Variants in SGCZ observed in about 807,000 individuals in gnomAD.
SGCZ encodes the protein sarcoglycan zeta, also known as zeta-sarcoglycan.
In SGCZ, 40 loss-of-function variants were observed where a neutral mutation model predicts 41.3. The observed-to-expected ratio is 0.97, with a 90% CI of 0.75 to 1.26. SGCZ has a LOEUF of 1.26. SGCZ is among the 50% of genes most tolerant of loss of function. The pLI, the probability that SGCZ is intolerant of heterozygous loss-of-function variation, is 0.00. For missense variants in SGCZ, 552 were observed against 369.8 expected (o/e 1.49, Z -4.04); for synonymous variants, 206 against 137.5 (o/e 1.50, Z -3.49).
chr8:14,820,600 C>A (rs932969846), intron 1 of SGCZ, among the ~76,000 whole-genome samples: 1 of 151,958 alleles, frequency 6.6e-6, no homozygotes, highest in African/African-American at 2.4e-5. Context: ...AGATCACAAA[C>A]GAGTGTTAAC....
intron 1 of SGCZ, among the ~76,000 whole-genome samples, chr8:14,723,759 C>G (rs1809965005): frequency 6.6e-6 from 1 of 151,690 alleles, no homozygotes; most frequent in Admixed American, 6.6e-5. Flanking sequence ...TGTTTATATA[C>G]ATTTATATGA....
chr8:14,892,416 G>C (rs1275223004), intron 1 of SGCZ, among the ~76,000 whole-genome samples: 1 of 152,154 alleles, frequency 6.6e-6, no homozygotes, highest in African/African-American at 2.4e-5. Flanking sequence ...ATCTCTGTGA[G>C]ATACGACTGT....
chr8:14,423,076 C>A (rs1305390385), intron 2 of SGCZ, among the ~76,000 whole-genome samples: 1 of 152,020 alleles, frequency 6.6e-6, no homozygotes, highest in East Asian at 1.9e-4. Context: ...TTGTTTTGAA[C>A]CCATGAGTGT....
chr8:14,650,544 T>C (rs1473922492), intron 1 of SGCZ, among the ~76,000 whole-genome samples: 1 of 151,952 alleles, frequency 6.6e-6, no homozygotes, highest in African/African-American at 2.4e-5. Context: ...GTCTGCTGTT[T>C]CCCTCTTTGT....
intron 2 of SGCZ, among the ~76,000 whole-genome samples, chr8:14,425,751 A>G (rs1381582202): frequency 2.0e-5 from 3 of 152,208 alleles, no homozygotes; most frequent in Non-Finnish European, 4.4e-5. Flanking sequence ...AGGTACATTT[A>G]CCATCTCTTC....
At chr8:14,879,422 T>C (rs1380009578) in intron 1 of SGCZ, 1 of 152,032 alleles carries the variant, frequency 6.6e-6, no homozygotes, top group Non-Finnish European at 1.5e-5. Context: ...CCATGAATAA[T>C]GGAAATCACT....
intron 1 of SGCZ, among the ~76,000 whole-genome samples, chr8:15,084,248 A>T (rs1401707664): frequency 2.6e-5 from 4 of 152,160 alleles, no homozygotes; most frequent in Non-Finnish European, 5.9e-5. Context: ...ACATCTTCTG[A>T]TAAGTATTTC....
chr8:14,696,502 G>A (rs1483761433), intron 1 of SGCZ, among the ~76,000 whole-genome samples: 1 of 152,046 alleles, frequency 6.6e-6, no homozygotes, highest in East Asian at 1.9e-4. Flanking sequence ...AAAGGATGCT[G>A]CTTTGCATTT....
chr8:15,237,257 C>CCG (rs1321181604), intron 1 of SGCZ, among the ~76,000 whole-genome samples: 1 of 152,006 alleles, frequency 6.6e-6, no homozygotes, highest in East Asian at 1.9e-4. Context: ...CCGCTGCCCC[C>CCG]CCCGGGGAGA....
At chr8:14,237,767 G>GA in intron 3 of SGCZ, 88 bp from the exon 4 acceptor site, 1 of 1,252,072 alleles carries the variant, frequency 8.0e-7, no homozygotes. Flanking sequence ...TGGATATTCT[G>GA]AAAAATTTAA....
At chr8:14,252,329 T>C (rs1379176794) in intron 3 of SGCZ, among the ~76,000 whole-genome samples, 2 of 152,122 alleles carry the variant, frequency 1.3e-5, no homozygotes, top group African/African-American at 4.8e-5. Context: ...TTGTCAGATA[T>C]ATTGTTTTTA....
intron 1 of SGCZ, among the ~76,000 whole-genome samples, chr8:15,166,188 T>G (rs1006271734): frequency 2.0e-5 from 3 of 152,076 alleles, no homozygotes; most frequent in African/African-American, 7.2e-5. Flanking sequence ...ACAGGATTAT[T>G]TGACATGTTC....
intron 1 of SGCZ, among the ~76,000 whole-genome samples, chr8:14,704,621 T>C (rs1408072297): frequency 6.6e-6 from 1 of 151,976 alleles, no homozygotes; most frequent in Non-Finnish European, 1.5e-5. Flanking sequence ...TCTCAAAGGC[T>C]CACTTTCTCC....
At position 14,485,832 on chromosome 8, in the gene SGCZ, A is replaced by ATTTTTT. The variant is rs1801655988; in HGVS notation, c.234+68899_234+68900insAAAAAA. On this transcript the variant is annotated intron_variant, in intron 2 of 7. Coordinates refer to ENST00000382080, the MANE Select transcript of SGCZ (RefSeq NM_139167.4). ...AACTACTTTATATTTTCTCTAGAAC[A>ATTTTTT]ATTTTTTTTTTTTTTTTTTTGAGAC... Among the ~76,000 whole-genome samples the ATTTTTT allele has an allele frequency of 4.4e-4, 22 of 50,540 alleles. 1 individual carries two copies. In the South Asian group the frequency reaches 0.019, roughly 43 times the overall value. 33.2% of individuals were successfully genotyped at this position (50,540 alleles called of 152,430 possible).
At chr8:14,759,008 C>CAAAAA (rs760673509) in intron 1 of SGCZ, among the ~76,000 whole-genome samples, 103 of 112,534 alleles carry the variant, frequency 9.2e-4, no homozygotes, top group African/African-American at 3.0e-3. Flanking sequence ...AACTCCATCT[C>CAAAAA]AAAAAAAAAA....
intron 1 of SGCZ, among the ~76,000 whole-genome samples, chr8:15,001,561 C>A (rs1264997241): frequency 1.3e-5 from 2 of 151,914 alleles, no homozygotes; most frequent in East Asian, 3.9e-4. Flanking sequence ...AACCCCATCT[C>A]TACTAAAAAT....
At chr8:14,139,455 T>C (rs1803300080) in intron 5 of SGCZ, among the ~76,000 whole-genome samples, 3 of 151,888 alleles carry the variant, frequency 2.0e-5, no homozygotes, top group South Asian at 2.1e-4. Context: ...GCAAGACTAA[T>C]AAAGAAGAAA....
chr8:14,854,979 T>G (rs1803491241), intron 1 of SGCZ, among the ~76,000 whole-genome samples: 1 of 151,216 alleles, frequency 6.6e-6, no homozygotes. Flanking sequence ...GCTCCCGACT[T>G]TATCTGGTAT....
At chr8:14,313,088 A>G (rs560385578) in intron 3 of SGCZ, among the ~76,000 whole-genome samples, 1 of 152,254 alleles carries the variant, frequency 6.6e-6, no homozygotes, top group African/African-American at 2.4e-5. Flanking sequence ...TAAGTTACAT[A>G]ACTACTTCGA....
Sources: gnomAD v4.1 joint callset for allele counts (sites outside exome capture counted in the v4.1 genomes callset) on GRCh38, gnomAD v4.1.1 for gene constraint, MANE v1.5 for transcripts, NCBI Gene and HGNC (gene_info 2026-07-23, HGNC 2026-07-21) for gene names.